EPCAM: variants seen among roughly 807,000 people sequenced by gnomAD.
EPCAM encodes adenocarcinoma-associated antigen.
EPCAM carries 39 observed loss-of-function variants against 40.0 expected under a neutral mutation model. That is an observed-to-expected ratio of 0.98 (90% CI 0.76 to 1.27). The LOEUF (loss-of-function observed/expected upper bound fraction) is 1.27. EPCAM is among the 50% of genes most tolerant of loss of function. The probability of loss-of-function intolerance (pLI) is 0.00; values close to 1 mark genes in which losing one functional copy is unlikely to be tolerated. For missense variants in EPCAM, 503 were observed against 381.2 expected, an observed-to-expected ratio of 1.32 and a Z score of -2.66; for synonymous variants, 168 against 132.3, an observed-to-expected ratio of 1.27 and a Z score of -1.85.
Position 47,379,961 on chromosome 2 carries a change from G to A in EPCAM, c.850G>A (p.Val284Ile), listed in dbSNP as rs1174569975. ...GGTGATAGCAGTTGTTGCTGGAATTGTTGTGCTGGTGAGTACAGAACAAGT... is the reference window on the plus strand; with the variant it reads ...GGTGATAGCAGTTGTTGCTGGAATTATTGTGCTGGTGAGTACAGAACAAGT... ...VVVIAVVAGI[V>I]VLVISRKKRM... Residue 284 changes from valine (V) to isoleucine (I), a missense_variant, in exon 7 of 9, where the codon GTT (valine) becomes ATT (isoleucine). Physicochemically the swap from Val to Ile is conservative, Grantham distance 29. Coordinates refer to ENST00000263735, the MANE Select transcript of EPCAM (RefSeq NM_002354.3). 1.2e-6 allele frequency: 2 copies of A among 1,611,596 alleles called. No individual in the cohort carries two copies. Among genetic ancestry groups the A allele is most frequent in the Admixed American group, 3.4e-5 (2 of 59,608 alleles).
intron 4 of EPCAM, among the ~76,000 whole-genome samples, chr2:47,376,538 G>T (rs1671432790): frequency 6.6e-6 from 1 of 152,136 alleles, no homozygotes; most frequent in Non-Finnish European, 1.5e-5. Context: ...GGGATTACAG[G>T]CATGAGCCAC....
chr2:47,386,110 A>C (rs940040627), intron 8 of EPCAM, among the ~76,000 whole-genome samples: 46 of 152,226 alleles, frequency 3.0e-4, no homozygotes, highest in Admixed American at 3.3e-4. Flanking sequence ...TGTTGGTCCC[A>C]TGCTTGCCAC....
Position 47,377,038 on chromosome 2 carries a change from G to A in EPCAM, c.516G>A (p.Thr172=), listed in dbSNP as rs371372017. The change falls in exon 5 of 9, where the codon ACG becomes ACA. Residue 172 remains threonine (T), a synonymous_variant. Coordinates refer to ENST00000263735, the MANE Select transcript of EPCAM (RefSeq NM_002354.3). ...GTGCACTTCAGAAGGAGATCACAACGCGTTATCAACTGGATCCAAAATTTA... is the reference window on the plus strand; with the variant it reads ...GTGCACTTCAGAAGGAGATCACAACACGTTATCAACTGGATCCAAAATTTA... ...LRTALQKEIT[T]RYQLDPKFIT... The A allele has an allele frequency of 2.4e-5, 39 of 1,610,992 alleles. No homozygotes were observed. Among genetic ancestry groups the A allele is most frequent in the East Asian group, 4.5e-5 (2 of 44,856 alleles).
In EPCAM at chr2:47,369,374, G is replaced by A; in HGVS notation, c.-132G>A. 1 of 1,197,566 alleles carries A rather than the reference G, an allele frequency of 8.4e-7. No individual in the cohort carries two copies. Among genetic ancestry groups the A allele is most frequent in the Non-Finnish European group, 1.1e-6 (1 of 917,394 alleles). The allele number at this position is 1,197,566 out of a possible 1,614,324, so 74.2% of individuals were successfully genotyped here. On this transcript the variant is annotated 5_prime_UTR_variant, in exon 1 of 9. Coordinates refer to ENST00000263735, the MANE Select transcript of EPCAM (RefSeq NM_002354.3). ...GCGGTCCGGGGACCCCCTCGTCGCT[G>A]TCCTCCCGACGCGGACCCGCGTGCC...
rs2103747804 is a variant in EPCAM at position 47,373,993 on chromosome 2, G to A, written c.370G>A (p.Val124Ile). Residue 124 changes from valine to isoleucine, a missense_variant, in exon 3 of 9, where the codon GTC (valine) becomes ATC (isoleucine). Transcript: ENST00000263735. ...GTGCTGGTGTGTGAACACTGCTGGG[G>A]TCAGAAGAACAGACAAGGACACTGA... Reference protein sequence around the residue: ...SMCWCVNTAGVRRTDKDTEIT... With the variant: ...SMCWCVNTAGIRRTDKDTEIT... 6.2e-7 allele frequency: 1 copy of A among 1,614,148 alleles called. No homozygotes were observed. Among genetic ancestry groups the A allele is most frequent in the Non-Finnish European group, 8.5e-7 (1 of 1,180,018 alleles).
rs562515601 is a variant in EPCAM, at chr2:47,369,492, G to A, written c.-14G>A. 3 of 1,526,364 alleles carry A rather than the reference G, an allele frequency of 2.0e-6. No individual in the cohort carries two copies. Among genetic ancestry groups the A allele is most frequent in the Admixed American group, 2.0e-5 (1 of 49,322 alleles). The allele number at this position is 1,526,364 out of a possible 1,614,324, so 94.6% of individuals were successfully genotyped here. A position where few individuals can be genotyped will look rare whatever the true frequency, so the allele number is the denominator to read the frequency against. ...GGGCCCCTCCCGCGCCCCTCTTCTC[G>A]GCGCGCGCGCAGCATGGCGCCCCCG... On this transcript the variant is annotated 5_prime_UTR_variant, in exon 1 of 9. Coordinates refer to ENST00000263735, the MANE Select transcript of EPCAM (RefSeq NM_002354.3).
intron 8 of EPCAM, 68 bp downstream of exon 8, chr2:47,385,278 C>T (rs894502339): frequency 1.6e-6 from 2 of 1,252,920 alleles, no homozygotes; most frequent in Non-Finnish European, 2.3e-6. Flanking sequence ...CTCTACCTTC[C>T]TACACACTGA....
At chr2:47,371,922 A>T (rs144930900) in intron 1 of EPCAM, among the ~76,000 whole-genome samples, 80 of 152,278 alleles carry the variant, frequency 5.3e-4, no homozygotes, top group Middle Eastern at 3.4e-3. Flanking sequence ...TTGTCATGCT[A>T]GCTTTTTCTT....
chr2:47,375,689 C>T (rs559736736), intron 4 of EPCAM, among the ~76,000 whole-genome samples: 7 of 150,274 alleles, frequency 4.7e-5, no homozygotes, highest in East Asian at 4.0e-4. Flanking sequence ...CACTATACAA[C>T]GATCAAATTT....
chr2:47,376,719 G>C (rs1671437144), intron 4 of EPCAM, among the ~76,000 whole-genome samples: 1 of 152,094 alleles, frequency 6.6e-6, no homozygotes. Context: ...GTATCCACCA[G>C]GTTTTTCCAC....
At chr2:47,380,539 C>A (rs934839918) in intron 7 of EPCAM, among the ~76,000 whole-genome samples, 2 of 152,152 alleles carry the variant, frequency 1.3e-5, no homozygotes, top group African/African-American at 4.8e-5. Flanking sequence ...TAGCAGCAAG[C>A]GTCTTTCAGT....
chr2:47,381,430 A>C, intron 7 of EPCAM, among the ~76,000 whole-genome samples: 1 of 151,578 alleles, frequency 6.6e-6, no homozygotes. Flanking sequence ...TACTAACACA[A>C]CAGAATTCAG....
chr2:47,383,838 T>C (rs1441832992), intron 7 of EPCAM, among the ~76,000 whole-genome samples: 2 of 151,776 alleles, frequency 1.3e-5, no homozygotes, highest in African/African-American at 4.8e-5. Flanking sequence ...GGTTTCACCA[T>C]GTTGGCCAGG....
chr2:47,369,909 C>T (rs573777697), intron 1 of EPCAM: 20 of 447,612 alleles, frequency 4.5e-5, no homozygotes, highest in African/African-American at 3.8e-4. Flanking sequence ...CGCGCCCTGG[C>T]GCACCCACGT....
At position 47,375,141 on chromosome 2, in the gene EPCAM, C is replaced by T; in HGVS notation, c.426-93C>T. 7.5e-6 allele frequency: 7 copies of T among 933,222 alleles called. No individual in the cohort carries two copies. In the South Asian group the frequency reaches 8.4e-5, roughly 11 times the overall value. 57.8% of individuals were successfully genotyped at this position (933,222 alleles called of 1,614,324 possible). On this transcript the variant is annotated intron_variant, in intron 3 of 8. Coordinates refer to ENST00000263735, the MANE Select transcript of EPCAM (RefSeq NM_002354.3). ...CTGCATAAATTTTTTTTCTCTTAGT[C>T]CTTATAATTCGAGAATTTTAGGATT...
intron 5 of EPCAM, chr2:47,377,639 G>A (rs930283748): frequency 7.0e-6 from 2 of 286,302 alleles, no homozygotes; most frequent in African/African-American, 2.3e-5. Context: ...AAACATTTGA[G>A]TTTTCTTATC....
intron 5 of EPCAM, among the ~76,000 whole-genome samples, chr2:47,378,692 A>G (rs1671493696): frequency 6.6e-6 from 1 of 152,196 alleles, no homozygotes; most frequent in South Asian, 2.1e-4. Context: ...TTTTCAATAT[A>G]AGAAAATCCT....
chr2:47,386,174 T>G (rs1671738274), intron 8 of EPCAM, among the ~76,000 whole-genome samples: 1 of 152,210 alleles, frequency 6.6e-6, no homozygotes, highest in Non-Finnish European at 1.5e-5. Flanking sequence ...TGTCTCAGTT[T>G]GCCTGTAACT....
intron 8 of EPCAM, 52 bp downstream of exon 8, chr2:47,385,262 T>G (rs1278267183): frequency 7.2e-7 from 1 of 1,395,576 alleles, no homozygotes; most frequent in Non-Finnish European, 1.0e-6. Flanking sequence ...CTCTTACTCC[T>G]AATCACTCTA....
Sources: allele counts gnomAD v4.1 joint callset (sites outside exome capture counted in the v4.1 genomes callset), GRCh38; gene constraint gnomAD v4.1.1; transcripts MANE v1.5; gene names NCBI Gene and HGNC (gene_info 2026-07-23, HGNC 2026-07-21).